Variants in SREK1 observed in about 807,000 individuals in gnomAD.
The protein encoded by SREK1 is splicing regulatory glutamic acid and lysine rich protein 1, also known as splicing regulatory glutamine/lysine-rich protein 1.
Under a neutral mutation model 66.5 loss-of-function variants are expected in SREK1, and 13 were observed. That is an observed-to-expected ratio of 0.20 (90% confidence interval 0.13 to 0.31). The LOEUF is 0.31. Ranked by LOEUF, SREK1 falls within the 10% of genes least tolerant of loss-of-function variation. SREK1 has a pLI of 1.00. For synonymous variants in SREK1, 265 were observed against 263.5 expected (o/e 1.01, Z -0.05); for missense variants, 607 against 769.6 (o/e 0.79, Z 2.50).
intron 2 of SREK1, chr5:66,156,814 A>G: frequency 1.0e-6 from 1 of 985,346 alleles, no homozygotes; most frequent in Non-Finnish European, 1.2e-6. Context: ...AAACTTAAGT[A>G]TTTGCATGTA....
At position 66,154,098 on chromosome 5, in the gene SREK1, A is replaced by G. The variant is rs36092845; in HGVS notation, c.295+502A>G. Among the ~76,000 whole-genome samples the G allele has an allele frequency of 4.4e-3, 675 of 152,260 alleles. 7 individuals carry two copies. The highest frequency in any genetic ancestry group is 7.2e-3 in the Non-Finnish European group (489 of 67,980). On this transcript the variant is annotated intron_variant, in intron 2 of 11. Coordinates refer to ENST00000334121, the MANE Select transcript of SREK1 (RefSeq NM_001077199.3). ...AGATCATTATTTTATATTCAATGTA[A>G]TTGTTTGCTTTGCAACTGGAATTTA... is the stretch of plus-strand genomic sequence containing the variant.
chr5:66,171,985 T>C (rs1745681812), intron 9 of SREK1, among the ~76,000 whole-genome samples: 1 of 152,252 alleles, frequency 6.6e-6, no homozygotes, highest in African/African-American at 2.4e-5. Flanking sequence ...AGATTAAGTT[T>C]GAGAATTCTC....
In SREK1 at chr5:66,170,747, C is replaced by G; in HGVS notation, c.1284C>G (p.Asp428Glu). 6.3e-7 allele frequency: 1 copy of G among 1,598,226 alleles called. No homozygotes were observed. ...AACGGGAAAAGGACCGGGAAAAAGA[C>G]AAGGAAAAGGACAGAGAGAGAGAAC... ...DKEREKDREKDKEKDRERERE... is the reference protein window; with the variant it reads ...DKEREKDREKEKEKDRERERE... The change falls in exon 9 of 12, where the codon GAC (aspartate) becomes GAG (glutamate). Residue 428 changes from aspartate to glutamate, a missense_variant. Transcript: ENST00000334121.
chr5:66,144,577 C>A, intron 1 of SREK1, 40 bp downstream of exon 1: 2 of 1,527,940 alleles, frequency 1.3e-6, no homozygotes, highest in Non-Finnish European at 1.8e-6. Context: ...GCGCGGGCGC[C>A]ATAGAGACCT....
At chr5:66,149,920 G>A (rs1048452992) in intron 1 of SREK1, among the ~76,000 whole-genome samples, 1 of 152,224 alleles carries the variant, frequency 6.6e-6, no homozygotes, top group East Asian at 1.9e-4. Context: ...GGAACCAGAA[G>A]GGTATCAGCA....
intron 3 of SREK1, among the ~76,000 whole-genome samples, chr5:66,160,112 A>G (rs1289187829): frequency 1.3e-5 from 2 of 152,088 alleles, no homozygotes; most frequent in Non-Finnish European, 2.9e-5. Flanking sequence ...CCTGGGCGAC[A>G]GAGGGAGAGT....
Position 66,170,773 on chromosome 5 carries a change from G to A in SREK1, c.1310G>A (p.Arg437Gln), listed in dbSNP as rs777296649. The change falls in exon 9 of 12, where the codon CGG becomes CAG. Residue 437 changes from arginine (R) to glutamine (Q), a missense_variant. Around this residue, in one of 5 missense-constraint regions of SREK1, gnomAD observed 318 missense variants for 310.3 expected, o/e 1.02. Transcript: ENST00000334121. ...AAGGAAAAGGACAGAGAGAGAGAAC[G>A]GGAAAAAGAGCATGAGAAGGATCGA... ...KDKEKDRERE[R>Q]EKEHEKDRDK... 133 of 1,602,038 alleles carry A rather than the reference G, an allele frequency of 8.3e-5. No individual in the cohort carries two copies. Among genetic ancestry groups the A allele is most frequent in the Non-Finnish European group, 1.1e-4 (124 of 1,174,104 alleles).
chr5:66,177,705 T>A, intron 11 of SREK1, 47 bp downstream of exon 11: 1 of 1,524,948 alleles, frequency 6.6e-7, no homozygotes, highest in Non-Finnish European at 8.8e-7. Flanking sequence ...GGTTCTTTAT[T>A]GCATACAAAT....
intron 9 of SREK1, chr5:66,174,570 G>C (rs1188419542): frequency 6.2e-6 from 1 of 161,514 alleles, no homozygotes; most frequent in African/African-American, 2.4e-5. Flanking sequence ...CTAGATACAT[G>C]ACAAAGGATT....
rs1746651792 is a variant in SREK1 at position 66,183,368 on chromosome 5, G to A, written c.*4500G>A. 6.6e-6 allele frequency: 1 copy of A among 152,122 alleles called. No individual in the cohort carries two copies. Among genetic ancestry groups the A allele is most frequent in the South Asian group, 2.1e-4 (1 of 4,832 alleles). The allele number at this position is 152,122 out of a possible 1,614,324, so 9.4% of individuals were successfully genotyped here. A position where few individuals can be genotyped will look rare whatever the true frequency, so the allele number is the denominator to read the frequency against. On this transcript the variant is annotated 3_prime_UTR_variant, in exon 12 of 12. Coordinates refer to ENST00000334121, the MANE Select transcript of SREK1 (RefSeq NM_001077199.3). ...TGATTTCTACAATAGATTTAAGTAT[G>A]AAATTTGAGTATACTGTGTAGCTGT...
chr5:66,158,905 G>A, intron 2 of SREK1: 1 of 1,300,772 alleles, frequency 7.7e-7, no homozygotes, highest in Non-Finnish European at 1.0e-6. Context: ...ATATCGTTTG[G>A]TTCATGAACA....
At position 66,182,484 on chromosome 5, in the gene SREK1, C is replaced by T. The variant is rs1268284390; in HGVS notation, c.*3616C>T. On this transcript the variant is annotated 3_prime_UTR_variant, in exon 12 of 12. Transcript: ENST00000334121. ...AAATTTTAAAATAAAATTGACTTCC[C>T]TACTTAATCTTGGGTTTGTGGGTGA... 3 of 152,024 alleles carry T rather than the reference C, an allele frequency of 2.0e-5. No individual in the cohort carries two copies. Among genetic ancestry groups the T allele is most frequent in the Non-Finnish European group, 4.4e-5 (3 of 67,994 alleles). The allele number at this position is 152,024 out of a possible 1,614,324, so 9.4% of individuals were successfully genotyped here.
chr5:66,152,550 T>C (rs1743934870), intron 1 of SREK1, among the ~76,000 whole-genome samples: 1 of 152,240 alleles, frequency 6.6e-6, no homozygotes, highest in Non-Finnish European at 1.5e-5. Flanking sequence ...TTTCCTGTTT[T>C]GTAAACAAAA....
intron 2 of SREK1, chr5:66,158,749 G>T: frequency 1.6e-6 from 2 of 1,218,194 alleles, no homozygotes; most frequent in Non-Finnish European, 2.1e-6. Flanking sequence ...TGCCATTTCT[G>T]GGGATTAAAC....
Position 66,164,874 on chromosome 5 carries a change from G to A in SREK1, c.978G>A (p.Arg326=), listed in dbSNP as rs200523125. ...SRSSSKSHSR[R]KRSQSKHRSR... is the part of the protein sequence containing the mutation. ...CTAGCTCAAAATCCCATTCTAGAAG[G>A]AAAAGATCACAATCAAAACACAGGT... Residue 326 remains arginine, a synonymous_variant, in exon 7 of 12, where the codon AGG becomes AGA. Transcript: ENST00000334121. 8.1e-6 allele frequency: 13 copies of A among 1,613,842 alleles called. No homozygotes were observed. The highest frequency in any genetic ancestry group is 2.2e-5 in the South Asian group (2 of 91,054).
chr5:66,168,906 A>G (rs1011190987), intron 7 of SREK1: 3 of 152,174 alleles, frequency 2.0e-5, no homozygotes, highest in South Asian at 2.1e-4. Context: ...TTTTACATAC[A>G]TCATCAGTTG....
rs2112099633 is a variant in SREK1, at chr5:66,174,943, C to G, written c.1485-3C>G. 5 of 1,607,484 alleles carry G rather than the reference C, an allele frequency of 3.1e-6. No homozygotes were observed. The East Asian group carries it at 1.1e-4, about 36-fold the overall frequency. On this transcript the variant is annotated splice_region_variant and splice_polypyrimidine_tract_variant and intron_variant, in intron 9 of 11. Transcript: ENST00000334121. ...TTAAAAATGATGTGTTTTTGATTTTCAGGGAAAGGCGTAGGAGGAGGAGCA... is the reference window on the plus strand; with the variant it reads ...TTAAAAATGATGTGTTTTTGATTTTGAGGGAAAGGCGTAGGAGGAGGAGCA...
intron 7 of SREK1, chr5:66,165,525 G>A (rs1200378196): frequency 6.6e-6 from 1 of 152,112 alleles, no homozygotes; most frequent in East Asian, 1.9e-4. Context: ...TTGTCCTTTT[G>A]ATTTTCTTTA....
chr5:66,181,341 A>G lies in SREK1; in HGVS notation c.*2473A>G, dbSNP rs975228033. ...GCGCACGTGTGTATCTGTTTGAGAC[A>G]TACTTTCTCTGTTCACTTAAAAGAG... On this transcript the variant is annotated 3_prime_UTR_variant, in exon 12 of 12. Coordinates refer to ENST00000334121, the MANE Select transcript of SREK1 (RefSeq NM_001077199.3). The G allele has an allele frequency of 1.3e-5, 2 of 152,158 alleles. No individual in the cohort carries two copies. Among genetic ancestry groups the G allele is most frequent in the South Asian group, 2.1e-4 (1 of 4,834 alleles). The allele number at this position is 152,158 out of a possible 1,614,324, so 9.4% of individuals were successfully genotyped here.
Sources: gnomAD v4.1 joint callset for allele counts (sites outside exome capture counted in the v4.1 genomes callset) on GRCh38, gnomAD v4.1.1 for gene constraint, gnomAD v4.1.1 regional missense constraint, MANE v1.5 for transcripts, NCBI Gene and HGNC (gene_info 2026-07-23, HGNC 2026-07-21) for gene names.